Variants in UNC13B observed in about 807,000 individuals in gnomAD.
The protein encoded by UNC13B is protein unc-13 homolog B.
In UNC13B, 144 loss-of-function variants were observed where a neutral mutation model predicts 211.0. The observed-to-expected ratio is 0.68, with a 90% confidence interval of 0.60 to 0.78. UNC13B has a LOEUF of 0.78. Ranked by LOEUF, UNC13B falls within the 30% of genes least tolerant of loss-of-function variation. The pLI is 0.00. For missense variants in UNC13B, 1,777 were observed against 2,002.0 expected, an observed-to-expected ratio of 0.89 and a Z score of 2.14; for synonymous variants, 709 against 725.8, an observed-to-expected ratio of 0.98 and a Z score of 0.37.
chr9:35,384,340 G>C (rs755074954), intron 22 of UNC13B, 26 bp downstream of exon 22: 2 of 1,610,654 alleles, frequency 1.2e-6, no homozygotes, highest in Admixed American at 1.7e-5. Flanking sequence ...GCTGTGGGCA[G>C]GATAATAGAT....
chr9:35,338,888 T>C (rs1831819575), intron 11 of UNC13B, among the ~76,000 whole-genome samples: 1 of 152,222 alleles, frequency 6.6e-6, no homozygotes, highest in Non-Finnish European at 1.5e-5. Context: ...AGACTTAGAC[T>C]GGTTTGTATG....
chr9:35,300,447 T>C lies in UNC13B; in HGVS notation c.1043T>C (p.Leu348Ser). ...CATGATTATGATCTGTCCAGTTGTT[T>C]AAGGCACTGTGAAAAGTCATCTGGC... ...ESHDYDLSSC[L>S]RHCEKSSGSN... is the part of the protein sequence containing the mutation. The change falls in exon 9 of 40, where the codon TTA becomes TCA. Residue 348 changes from leucine to serine, a missense_variant. Coordinates refer to ENST00000635942, the MANE Select transcript of UNC13B (RefSeq NM_001371189.2). 2 of 399,050 alleles carry C rather than the reference T, an allele frequency of 5.0e-6. No individual in the cohort carries two copies. The highest frequency in any genetic ancestry group is 8.8e-6 in the Non-Finnish European group (2 of 226,040). The allele number at this position is 399,050 out of a possible 1,614,324, so 24.7% of individuals were successfully genotyped here.
chr9:35,382,556 A>C, intron 21 of UNC13B, 49 bp downstream of exon 21: 1 of 1,545,570 alleles, frequency 6.5e-7, no homozygotes, highest in South Asian at 1.2e-5. Context: ...CAATTAATAA[A>C]GTTTGATTTT....
intron 1 of UNC13B, among the ~76,000 whole-genome samples, chr9:35,212,611 A>T (rs1490870024): frequency 6.6e-6 from 1 of 152,154 alleles, no homozygotes; most frequent in Non-Finnish European, 1.5e-5. Context: ...CACATGAGAT[A>T]TGAAAGCATG....
chr9:35,165,567 G>A (rs1164819763), intron 1 of UNC13B, among the ~76,000 whole-genome samples: 2 of 151,892 alleles, frequency 1.3e-5, no homozygotes, highest in Non-Finnish European at 2.9e-5. Flanking sequence ...ACAGGCGCCT[G>A]CCACCATGCC....
At chr9:35,281,378 T>C (rs374302791) in intron 7 of UNC13B, among the ~76,000 whole-genome samples, 1 of 146,442 alleles carries the variant, frequency 6.8e-6, no homozygotes, top group Non-Finnish European at 1.5e-5. Flanking sequence ...ATCACACCAC[T>C]GCACTCGAGC....
intron 11 of UNC13B, among the ~76,000 whole-genome samples, chr9:35,324,862 C>G (rs1037121953): frequency 1.3e-5 from 2 of 152,176 alleles, no homozygotes; most frequent in African/African-American, 4.8e-5. Context: ...GGGTTGCTCT[C>G]TTATCCAGCC....
intron 1 of UNC13B, among the ~76,000 whole-genome samples, chr9:35,219,180 G>A (rs1036700316): frequency 2.0e-5 from 3 of 152,100 alleles, no homozygotes; most frequent in South Asian, 4.2e-4. Context: ...TGTGTAGGCC[G>A]ATGGCGTTAG....
At chr9:35,177,334 G>T (rs1293214697) in intron 1 of UNC13B, among the ~76,000 whole-genome samples, 1 of 152,102 alleles carries the variant, frequency 6.6e-6, no homozygotes, top group Non-Finnish European at 1.5e-5. Flanking sequence ...GCAACATAAG[G>T]TGGAAAGTTA....
rs766122559 is a variant in UNC13B, at chr9:35,235,414, C to T, written c.153-1055C>T. On this transcript the variant is annotated intron_variant, in intron 3 of 39. Coordinates refer to ENST00000635942, the MANE Select transcript of UNC13B (RefSeq NM_001371189.2). ...TTATATGTTCTCAGGGACCCTACTTCTACCTGGACTCCCTTTCATAAATCC... is the reference window on the plus strand; with the variant it reads ...TTATATGTTCTCAGGGACCCTACTTTTACCTGGACTCCCTTTCATAAATCC... Among the ~76,000 whole-genome samples, 59 of 152,264 alleles carry T rather than the reference C, an allele frequency of 3.9e-4. 1 individual carries two copies. Among genetic ancestry groups the T allele is most frequent in the Non-Finnish European group, 7.8e-4 (53 of 68,024 alleles).
rs951435325 is a variant in UNC13B at position 35,404,207 on chromosome 9, C to T, written c.*174C>T. 3.0e-5 allele frequency: 25 copies of T among 836,200 alleles called. No individual in the cohort carries two copies. The highest frequency in any genetic ancestry group is 1.4e-4 in the Admixed American group (5 of 34,582). The allele number at this position is 836,200 out of a possible 1,614,324, so 51.8% of individuals were successfully genotyped here. A position where few individuals can be genotyped will look rare whatever the true frequency, so the allele number is the denominator to read the frequency against. ...TAATATGGCTTTTCACAGAAAGGGT[C>T]ATGAAGCCCTGGCCCAACAGGACTG... On this transcript the variant is annotated 3_prime_UTR_variant, in exon 40 of 40. Coordinates refer to ENST00000635942, the MANE Select transcript of UNC13B (RefSeq NM_001371189.2).
chr9:35,179,620 A>G (rs995690421), intron 1 of UNC13B, among the ~76,000 whole-genome samples: 1 of 151,996 alleles, frequency 6.6e-6, no homozygotes, highest in African/African-American at 2.4e-5. Flanking sequence ...ACAAAACCCT[A>G]TCTCTACAAA....
At chr9:35,331,376 T>C (rs1831359425) in intron 11 of UNC13B, among the ~76,000 whole-genome samples, 1 of 152,204 alleles carries the variant, frequency 6.6e-6, no homozygotes. Flanking sequence ...GCCTCCCATG[T>C]AGCTGGGATT....
intron 11 of UNC13B, among the ~76,000 whole-genome samples, chr9:35,363,263 A>G (rs547185779): frequency 6.6e-6 from 1 of 152,322 alleles, no homozygotes; most frequent in East Asian, 1.9e-4. Context: ...TGGAGAACAG[A>G]AGGACACAAT....
chr9:35,397,174 A>T lies in UNC13B; in HGVS notation c.11540A>T (p.Gln3847Leu). The change falls in exon 29 of 40, where the codon CAG becomes CTG. Residue 3847 changes from glutamine to leucine, a missense_variant. By Grantham distance (113) the Gln-to-Leu change is moderately radical. Transcript: ENST00000635942. Reference sequence around the variant, plus strand: ...GTGTGTGGTCTTCCTTAGTTCCAGCAGACATCAGAGCATGCACTCTTTTCC... The same window carrying T: ...GTGTGTGGTCTTCCTTAGTTCCAGCTGACATCAGAGCATGCACTCTTTTCC... ...LERDKKDGFQ[Q>L]TSEHALFSCS... 6.2e-7 allele frequency: 1 copy of T among 1,614,166 alleles called. No individual in the cohort carries two copies. Among genetic ancestry groups the T allele is most frequent in the Non-Finnish European group, 8.5e-7 (1 of 1,180,024 alleles).
At chr9:35,367,789 C>A (rs909828665) in intron 12 of UNC13B, among the ~76,000 whole-genome samples, 1 of 152,158 alleles carries the variant, frequency 6.6e-6, no homozygotes, top group Non-Finnish European at 1.5e-5. Context: ...GTGATTGTAC[C>A]AGAGTCATTT....
chr9:35,231,208 G>T lies in UNC13B; in HGVS notation c.141G>T (p.Gln47His). ...AVRGDQPSWE[Q>H]DFMFEISRLD... is the part of the protein sequence containing the mutation. The stretch of plus-strand genomic sequence containing the variant: ...GTGGTGATCAGCCTTCCTGGGAACA[G>T]GATTTCATGTTGTAAGTATTTTGCA... The change falls in exon 3 of 40, where the codon CAG (glutamine) becomes CAT (histidine). Residue 47 changes from glutamine (Q) to histidine (H), a missense_variant. Coordinates refer to ENST00000635942, the MANE Select transcript of UNC13B (RefSeq NM_001371189.2). 6.2e-7 allele frequency: 1 copy of T among 1,611,718 alleles called. No homozygotes were observed. The highest frequency in any genetic ancestry group is 8.5e-7 in the Non-Finnish European group (1 of 1,178,000).
intron 26 of UNC13B, among the ~76,000 whole-genome samples, chr9:35,394,649 G>A (rs561222480): frequency 1.3e-5 from 2 of 152,268 alleles, no homozygotes; most frequent in South Asian, 4.2e-4. Context: ...GAGATTAGGG[G>A]GAGATACCAG....
intron 1 of UNC13B, among the ~76,000 whole-genome samples, chr9:35,177,988 G>A (rs1187924779): frequency 6.6e-6 from 1 of 152,200 alleles, no homozygotes; most frequent in South Asian, 2.1e-4. Context: ...TGATTTGGGT[G>A]TTGGATATGT....
Sources: allele counts gnomAD v4.1 joint callset (sites outside exome capture counted in the v4.1 genomes callset), GRCh38; gene constraint gnomAD v4.1.1; transcripts MANE v1.5; gene names NCBI Gene and HGNC (gene_info 2026-07-23, HGNC 2026-07-21).